The following TENM1 variants were observed in gnomAD, a reference collection of about 807,000 sequenced individuals.
The protein encoded by TENM1 is teneurin-1.
TENM1 carries 35 observed loss-of-function variants against 174.8 expected under a neutral mutation model. The ratio of observed to expected loss-of-function variants is 0.20; its 90% CI spans 0.15 to 0.27. The LOEUF is 0.27. Among genes scored for constraint, TENM1 ranks in the 10% least tolerant of loss-of-function variants. TENM1 has a pLI of 1.00. For missense variants in TENM1, 1,633 were observed against 2,130.1 expected (o/e 0.77, Z 4.59); for synonymous variants, 781 against 798.7 (o/e 0.98, Z 0.37).
intron 11 of TENM1, among the ~76,000 whole-genome samples, chrX:124,614,075 G>A (rs1042234841): frequency 1.8e-5 from 2 of 111,568 alleles, no homozygotes; most frequent in African/African-American, 6.5e-5. Context: ...CTGTTTTCTG[G>A]GGGGGTTGGG....
the TENM1 span, among the ~76,000 whole-genome samples, chrX:125,123,914 C>T: frequency 8.9e-6 from 1 of 112,464 alleles, no homozygotes; most frequent in South Asian, 3.6e-4. Flanking sequence ...TATTTAAATG[C>T]TTTGTAATGT....
the TENM1 span, among the ~76,000 whole-genome samples, chrX:125,197,295 T>A: frequency 8.9e-6 from 1 of 111,972 alleles, no homozygotes; most frequent in African/African-American, 3.2e-5. Context: ...TACATATATA[T>A]GTATAATATG....
At chrX:124,860,656 A>G (rs2056895225) in intron 3 of TENM1, among the ~76,000 whole-genome samples, 1 of 111,750 alleles carries the variant, frequency 8.9e-6, no homozygotes. Flanking sequence ...AACAACTGAA[A>G]CCCAAGTTGT....
intron 3 of TENM1, among the ~76,000 whole-genome samples, chrX:124,863,447 C>T (rs983977565): frequency 3.6e-5 from 4 of 111,139 alleles, no homozygotes; most frequent in African/African-American, 9.8e-5. Flanking sequence ...TTAAAAGACC[C>T]TCTGCCTTAA....
chrX:125,038,077 C>G, the TENM1 span, among the ~76,000 whole-genome samples: 1 of 111,328 alleles, frequency 9.0e-6, no homozygotes, highest in African/African-American at 3.3e-5. Context: ...CCCTGCTTGT[C>G]TCACATTTTC....
intron 1 of TENM1, among the ~76,000 whole-genome samples, chrX:124,899,105 A>G (rs1182547151): frequency 3.6e-5 from 4 of 111,779 alleles, no homozygotes; most frequent in Non-Finnish European, 7.5e-5. Context: ...TAAATACACA[A>G]ACGTCTTGGT....
At chrX:124,890,609 A>T (rs955613201) in intron 3 of TENM1, among the ~76,000 whole-genome samples, 1 of 111,710 alleles carries the variant, frequency 9.0e-6, no homozygotes, top group Non-Finnish European at 1.9e-5. Flanking sequence ...GAGACCTGCA[A>T]ATCAAAACTA....
chrX:125,049,294 G>C, the TENM1 span, among the ~76,000 whole-genome samples: 1 of 111,801 alleles, frequency 8.9e-6, no homozygotes, highest in Non-Finnish European at 1.9e-5. Context: ...TATTTCTATG[G>C]ATTTGGCTAT....
chrX:124,675,898 G>A (rs1253581686), intron 5 of TENM1, among the ~76,000 whole-genome samples: 1 of 109,234 alleles, frequency 9.2e-6, no homozygotes, highest in Non-Finnish European at 1.9e-5. Flanking sequence ...TGAAGCCATT[G>A]TGAATATCTA....
intron 23 of TENM1, among the ~76,000 whole-genome samples, chrX:124,426,476 G>A (rs184563615): frequency 1.8e-5 from 2 of 112,026 alleles, no homozygotes; most frequent in East Asian, 5.6e-4. Context: ...GTAATGAAGT[G>A]GATAAAGGTC....
intron 11 of TENM1, among the ~76,000 whole-genome samples, chrX:124,614,078 G>C (rs781240290): frequency 9.0e-6 from 1 of 111,654 alleles, no homozygotes; most frequent in African/African-American, 3.3e-5. Flanking sequence ...TTTTCTGGGG[G>C]GGTTGGGGTG....
chrX:124,663,221 A>G (rs1284608958), intron 6 of TENM1, among the ~76,000 whole-genome samples: 1 of 111,998 alleles, frequency 8.9e-6, no homozygotes, highest in Non-Finnish European at 1.9e-5. Flanking sequence ...GACCATTAAA[A>G]TGACTAAGGG....
intron 27 of TENM1, among the ~76,000 whole-genome samples, chrX:124,400,014 A>C (rs1288531779): frequency 9.0e-6 from 1 of 111,204 alleles, no homozygotes; most frequent in Non-Finnish European, 1.9e-5. Context: ...GGAAGCCCCA[A>C]GAATTCCTGG....
chrX:125,119,766 A>G, the TENM1 span, among the ~76,000 whole-genome samples: 1 of 111,640 alleles, frequency 9.0e-6, no homozygotes, highest in African/African-American at 3.3e-5. Context: ...TCAAAGGACT[A>G]AATTTAATCA....
the TENM1 span, among the ~76,000 whole-genome samples, chrX:124,993,929 T>A: frequency 9.0e-6 from 1 of 110,662 alleles, no homozygotes; most frequent in Non-Finnish European, 1.9e-5. Flanking sequence ...AGTGGCAACA[T>A]CCATGACTAA....
At chrX:124,578,787 G>A (rs1276455537) in intron 11 of TENM1, among the ~76,000 whole-genome samples, 2 of 111,491 alleles carry the variant, frequency 1.8e-5, no homozygotes, top group African/African-American at 6.5e-5. Flanking sequence ...TAGGGCTTGG[G>A]AAAACTTTAA....
At chrX:124,544,497 A>G (rs2048388427) in intron 15 of TENM1, among the ~76,000 whole-genome samples, 2 of 112,473 alleles carry the variant, frequency 1.8e-5, no homozygotes, top group Admixed American at 1.9e-4. Context: ...TGACATAACA[A>G]ATGCCCAAGG....
At chrX:124,953,828 T>G (rs2058529657) in intron 1 of TENM1, among the ~76,000 whole-genome samples, 1 of 112,035 alleles carries the variant, frequency 8.9e-6, no homozygotes, top group Admixed American at 9.5e-5. Context: ...GAATCAATTC[T>G]CATACTATGG....
chrX:125,022,143 T>A, the TENM1 span, among the ~76,000 whole-genome samples: 4 of 112,307 alleles, frequency 3.6e-5, no homozygotes, highest in African/African-American at 9.7e-5. Context: ...AACATTAATA[T>A]GTGCCTCATT....
Sources: allele counts gnomAD v4.1 joint callset (sites outside exome capture counted in the v4.1 genomes callset), GRCh38; gene constraint gnomAD v4.1.1; transcripts MANE v1.5; gene names NCBI Gene and HGNC (gene_info 2026-07-23, HGNC 2026-07-21).